Variants in ANKRD54 observed in about 807,000 individuals in gnomAD.
ANKRD54 encodes ankyrin repeat domain 54.
A neutral mutation model predicts 36.2 loss-of-function variants in ANKRD54; 26 were observed. That is an observed-to-expected ratio of 0.72 (90% CI 0.53 to 1.00). The LOEUF (loss-of-function observed/expected upper bound fraction) is 1.00. ANKRD54 is among the 50% of genes least tolerant of loss of function. ANKRD54 has a pLI of 0.00. For missense variants in ANKRD54, 384 were observed against 424.3 expected, an observed-to-expected ratio of 0.91 and a Z score of 0.83; for synonymous variants, 209 against 188.4, an observed-to-expected ratio of 1.11 and a Z score of -0.89.
upstream of ANKRD54, chr22:37,844,346 AGGGCCCGCAACCAC>A: frequency 7.6e-7 from 1 of 1,315,236 alleles, no homozygotes; most frequent in Non-Finnish European, 1.0e-6. Context: ...GCGGGCGGGC[AGGGCCCGCAACCAC>A]GGCAACCGAG....
intron 3 of ANKRD54, among the ~76,000 whole-genome samples, chr22:37,835,543 A>G (rs1923412546): frequency 1.3e-5 from 2 of 152,196 alleles, no homozygotes; most frequent in African/African-American, 4.8e-5. Context: ...GCAGTGGCTC[A>G]TGCTTGTAAT....
intron 1 of ANKRD54, among the ~76,000 whole-genome samples, chr22:37,840,966 C>T (rs1442092410): frequency 1.3e-5 from 2 of 151,810 alleles, no homozygotes; most frequent in Admixed American, 1.3e-4. Flanking sequence ...CGTGTAACAC[C>T]AGCTACTTAG....
chr22:37,846,423 C>G (rs1411882228), upstream of ANKRD54, among the ~76,000 whole-genome samples: 2 of 152,116 alleles, frequency 1.3e-5, no homozygotes, highest in African/African-American at 2.4e-5. Flanking sequence ...CCACCTCAGC[C>G]TCCTGAGTAG....
intron 3 of ANKRD54, among the ~76,000 whole-genome samples, chr22:37,837,521 C>T (rs1923698962): frequency 6.6e-6 from 1 of 152,186 alleles, no homozygotes; most frequent in African/African-American, 2.4e-5. Flanking sequence ...TCCACAGATT[C>T]AATGAACCCT....
intron 3 of ANKRD54, among the ~76,000 whole-genome samples, chr22:37,835,337 A>C (rs1923386517): frequency 6.6e-6 from 1 of 152,092 alleles, no homozygotes; most frequent in Admixed American, 6.6e-5. Flanking sequence ...ACTCCAGCCT[A>C]GGCAACAGAG....
At position 37,844,041 on chromosome 22, in the gene ANKRD54, G is replaced by C. The variant is rs533961138; in HGVS notation, c.198C>G (p.Arg66=). Residue 66 remains arginine (R), a synonymous_variant, in exon 1 of 8, where the codon CGC becomes CGG. Transcript: ENST00000215941. ...CCTGCTGCCACAGGACGTGCAAGTAGCGCAGCGGCGACTGGGCCCCGCCGG... is the reference window on the plus strand; with the variant it reads ...CCTGCTGCCACAGGACGTGCAAGTACCGCAGCGGCGACTGGGCCCCGCCGG... ...RASGGAQSPL[R]YLHVLWQQDA... is the part of the protein sequence containing the mutation. The C allele has an allele frequency of 1.5e-5, 22 of 1,438,188 alleles. No individual in the cohort carries two copies. In the South Asian group the frequency reaches 2.5e-4, roughly 16 times the overall value. The allele number at this position is 1,438,188 out of a possible 1,614,324, so 89.1% of individuals were successfully genotyped here.
At chr22:37,849,057 G>C (rs977762636), upstream of ANKRD54, 2 of 390,572 alleles carry the variant, frequency 5.1e-6, no homozygotes, top group African/African-American at 2.1e-5. Context: ...CGCGATCTCG[G>C]CTCACCGCAA....
chr22:37,835,757 G>A (rs1923437855), intron 3 of ANKRD54, among the ~76,000 whole-genome samples: 1 of 152,168 alleles, frequency 6.6e-6, no homozygotes, highest in African/African-American at 2.4e-5. Flanking sequence ...AGTGGGCAGT[G>A]ATCAGGCCAC....
intron 1 of ANKRD54, among the ~76,000 whole-genome samples, chr22:37,841,892 T>TAAAAA (rs201358059): frequency 2.9e-4 from 9 of 30,518 alleles, no homozygotes; most frequent in African/African-American, 5.2e-4. Context: ...AATAAATAAA[T>TAAAAA]AAATAAAATA....
At chr22:37,837,939 C>G (rs1239943326) in intron 3 of ANKRD54, among the ~76,000 whole-genome samples, 1 of 152,180 alleles carries the variant, frequency 6.6e-6, no homozygotes, top group African/African-American at 2.4e-5. Context: ...CGAGACCATA[C>G]TGGCTAATAC....
chr22:37,846,978 C>G (rs954660573), upstream of ANKRD54, among the ~76,000 whole-genome samples: 5 of 150,554 alleles, frequency 3.3e-5, no homozygotes, highest in African/African-American at 1.2e-4. Context: ...CTCAGCCTCC[C>G]AAGTAGCTGG....
chr22:37,844,164 C>T lies in ANKRD54; in HGVS notation c.75G>A (p.Val25=), dbSNP rs1300896436. The T allele has an allele frequency of 2.0e-6, 3 of 1,500,234 alleles. No homozygotes were observed. In the Admixed American group the frequency reaches 6.5e-5, roughly 33 times the overall value. The allele number at this position is 1,500,234 out of a possible 1,614,324, so 92.9% of individuals were successfully genotyped here. A position where few individuals can be genotyped will look rare whatever the true frequency, so the allele number is the denominator to read the frequency against. The change falls in exon 1 of 8, where the codon GTG becomes GTA. Residue 25 remains valine, a synonymous_variant. Coordinates refer to ENST00000215941, the MANE Select transcript of ANKRD54 (RefSeq NM_138797.4). ...CAGCGTCAGTCAGCGGCTCCGGCGC[C>T]ACCGCGCACTCGCCCTCCGAGCTCG... ...GHSSSEGECA[V]APEPLTDAEG...
At chr22:37,832,610 G>GT in intron 7 of ANKRD54, 27 bp downstream of exon 7, 1 of 1,608,818 alleles carries the variant, frequency 6.2e-7, no homozygotes, top group South Asian at 1.1e-5. Context: ...GCCAGGCCCT[G>GT]GGTCTGGGCC....
chr22:37,837,607 G>T (rs1923709536), intron 3 of ANKRD54, among the ~76,000 whole-genome samples: 1 of 152,202 alleles, frequency 6.6e-6, no homozygotes, highest in Admixed American at 6.5e-5. Context: ...TCTGAGTGGG[G>T]TCCTGGAACC....
upstream of ANKRD54, among the ~76,000 whole-genome samples, chr22:37,845,921 T>C (rs1365630782): frequency 6.6e-6 from 1 of 151,178 alleles, no homozygotes; most frequent in Non-Finnish European, 1.5e-5. Flanking sequence ...ACGCCTGTAA[T>C]CCCAGCATTT....
chr22:37,838,641 G>A lies in ANKRD54; in HGVS notation c.377-43C>T, dbSNP rs199980935. 875 of 1,572,284 alleles carry A rather than the reference G, an allele frequency of 5.6e-4. 1 individual carries two copies. In the African/African-American group the frequency reaches 9.4e-3, roughly 17 times the overall value. On this transcript the variant is annotated intron_variant, in intron 2 of 7. Coordinates refer to ENST00000215941, the MANE Select transcript of ANKRD54 (RefSeq NM_138797.4). Reference sequence around the variant, plus strand: ...GAGGGAGGAAGGGGGAGAAAGCGGCGATGTTAGCTAAGCTGCAGACCCGAG... The same window carrying A: ...GAGGGAGGAAGGGGGAGAAAGCGGCAATGTTAGCTAAGCTGCAGACCCGAG...
chr22:37,844,305 C>T lies in ANKRD54; in HGVS notation c.-67G>A. On this transcript the variant is annotated 5_prime_UTR_variant, in exon 1 of 8. Transcript: ENST00000215941. ...CCGACCGACCAACGGACCTACTTCC[C>T]TCCGCCCTGAGTCGTGCTGTCAGCG... The T allele has an allele frequency of 6.6e-7, 1 of 1,509,228 alleles. No homozygotes were observed. The highest frequency in any genetic ancestry group is 8.9e-7 in the Non-Finnish European group (1 of 1,127,772). 93.5% of individuals were successfully genotyped at this position (1,509,228 alleles called of 1,614,324 possible).
In ANKRD54 at chr22:37,841,557, C is replaced by CACACAA. The variant is rs549337524; in HGVS notation, c.329-1324_329-1323insTTGTGT. ...ACACACACACACACACACACACACA[C>CACACAA]AAAAAACATAGGCCGGGCACAGTGG... On this transcript the variant is annotated intron_variant, in intron 1 of 7. Coordinates refer to ENST00000215941, the MANE Select transcript of ANKRD54 (RefSeq NM_138797.4). 4.5e-4 allele frequency among the ~76,000 whole-genome samples: 67 copies of CACACAA among 148,586 alleles called. 1 individual carries two copies. The highest frequency in any genetic ancestry group is 2.7e-4 in the Non-Finnish European group (18 of 67,060).
chr22:37,847,362 A>C (rs58757334), upstream of ANKRD54, among the ~76,000 whole-genome samples: 371 of 151,210 alleles, frequency 2.5e-3, 4 homozygotes, highest in African/African-American at 8.7e-3. Context: ...GGGTTTCACT[A>C]TGTTGGCCAG....
Sources: allele counts gnomAD v4.1 joint callset (sites outside exome capture counted in the v4.1 genomes callset), GRCh38; gene constraint gnomAD v4.1.1; transcripts MANE v1.5; gene names NCBI Gene and HGNC (gene_info 2026-07-23, HGNC 2026-07-21).